NAALADL2: variants seen among roughly 807,000 people sequenced by gnomAD.
NAALADL2 encodes inactive N-acetylated-alpha-linked acidic dipeptidase-like protein 2.
NAALADL2 carries 76 observed loss-of-function variants against 87.2 expected under a neutral mutation model. The observed-to-expected ratio is 0.87, with a 90% CI of 0.72 to 1.05. The LOEUF (loss-of-function observed/expected upper bound fraction) is 1.05, where lower values mean the gene tolerates loss of function less well. NAALADL2 is among the 50% of genes least tolerant of loss of function. NAALADL2 has a pLI of 0.00. For missense variants in NAALADL2, 1,089 were observed against 945.8 expected (o/e 1.15, Z -1.99); for synonymous variants, 354 against 331.0 (o/e 1.07, Z -0.75).
chr3:175,667,241 A>AAGAAAGAAAGAAAAAGAAAG (rs1182682303), intron 11 of NAALADL2, among the ~76,000 whole-genome samples: 9 of 91,776 alleles, frequency 9.8e-5, no homozygotes, highest in African/African-American at 4.1e-4. Context: ...GAAAGAAAGA[A>AAGAAAGAAAGAAAAAGAAAG]AAAGAAAGAA....
chr3:174,446,971 G>T (rs972714020), intron 1 of NAALADL2, among the ~76,000 whole-genome samples: 1 of 151,904 alleles, frequency 6.6e-6, no homozygotes, highest in African/African-American at 2.4e-5. Flanking sequence ...ATTTAATTTT[G>T]CTAGAGTTTT....
chr3:175,140,639 C>T (rs966188311), intron 2 of NAALADL2, among the ~76,000 whole-genome samples: 3 of 151,934 alleles, frequency 2.0e-5, no homozygotes, highest in African/African-American at 2.4e-5. Context: ...TTGCTGTGAA[C>T]GAAAACATTA....
At chr3:175,769,090 A>G (rs1749133245) in intron 13 of NAALADL2, among the ~76,000 whole-genome samples, 1 of 152,128 alleles carries the variant, frequency 6.6e-6, no homozygotes, top group African/African-American at 2.4e-5. Flanking sequence ...TCTCTTTTTA[A>G]TCTTACTACC....
chr3:175,225,747 G>A (rs962710542), intron 2 of NAALADL2, among the ~76,000 whole-genome samples: 3 of 151,942 alleles, frequency 2.0e-5, no homozygotes, highest in Admixed American at 2.0e-4. Context: ...GACCACCCAA[G>A]TTTGAAGACT....
At chr3:175,252,191 T>C (rs920299294) in intron 3 of NAALADL2, among the ~76,000 whole-genome samples, 1 of 152,218 alleles carries the variant, frequency 6.6e-6, no homozygotes, top group Non-Finnish European at 1.5e-5. Flanking sequence ...TTTTCAACAA[T>C]TTGAAGGTCA....
intron 2 of NAALADL2, among the ~76,000 whole-genome samples, chr3:174,568,497 T>G (rs917689252): frequency 5.3e-5 from 8 of 151,818 alleles, no homozygotes; most frequent in African/African-American, 1.9e-4. Context: ...AGTGCTTTAG[T>G]ATCAGTACAA....
chr3:174,756,915 CA>C (rs1325661636), intron 3 of NAALADL2, among the ~76,000 whole-genome samples: 1 of 152,050 alleles, frequency 6.6e-6, no homozygotes, highest in African/African-American at 2.4e-5. Context: ...AGATTTTAAA[CA>C]GTTCCTTTTA....
intron 5 of NAALADL2, among the ~76,000 whole-genome samples, chr3:175,401,421 T>G (rs1434724425): frequency 6.6e-6 from 1 of 152,148 alleles, no homozygotes; most frequent in Non-Finnish European, 1.5e-5. Flanking sequence ...TTGAATGGAA[T>G]GTGTGTATAT....
At chr3:175,703,433 T>G (rs560288069) in intron 11 of NAALADL2, among the ~76,000 whole-genome samples, 3 of 152,304 alleles carry the variant, frequency 2.0e-5, no homozygotes, top group Non-Finnish European at 4.4e-5. Context: ...GTTAAGTACC[T>G]TCGTTTCCTT....
chr3:174,747,387 C>CA (rs1734362301), intron 3 of NAALADL2, among the ~76,000 whole-genome samples: 1 of 152,046 alleles, frequency 6.6e-6, no homozygotes, highest in South Asian at 2.1e-4. Context: ...GATAACATCT[C>CA]ACGCCAGTCA....
intron 1 of NAALADL2, among the ~76,000 whole-genome samples, chr3:174,457,685 G>A (rs1043464762): frequency 6.6e-6 from 1 of 152,130 alleles, no homozygotes; most frequent in African/African-American, 2.4e-5. Flanking sequence ...TTTACTGGGT[G>A]TGGTGGTGTG....
At chr3:175,278,735 C>T (rs903179695) in intron 4 of NAALADL2, among the ~76,000 whole-genome samples, 1 of 152,042 alleles carries the variant, frequency 6.6e-6, no homozygotes, top group African/African-American at 2.4e-5. Flanking sequence ...CTGTGCAGGT[C>T]GATAAACTGA....
At chr3:175,003,443 G>A (rs1748515935) in intron 1 of NAALADL2, among the ~76,000 whole-genome samples, 1 of 152,170 alleles carries the variant, frequency 6.6e-6, no homozygotes, top group African/African-American at 2.4e-5. Context: ...AGGTGTGAGA[G>A]GTTTTCAAAA....
intron 5 of NAALADL2, among the ~76,000 whole-genome samples, chr3:175,411,434 C>G (rs1360917379): frequency 6.6e-6 from 1 of 151,962 alleles, no homozygotes; most frequent in Non-Finnish European, 1.5e-5. Flanking sequence ...AAATTTGAGT[C>G]AACTCTATTG....
At chr3:175,115,436 AG>A (rs1312721653) in intron 2 of NAALADL2, among the ~76,000 whole-genome samples, 11 of 151,744 alleles carry the variant, frequency 7.2e-5, no homozygotes, top group African/African-American at 2.7e-4. Context: ...TTTTAATAAA[AG>A]ACACTAATAA....
At chr3:175,487,489 C>T (rs1727456930) in intron 9 of NAALADL2, 1 of 456,236 alleles carries the variant, frequency 2.2e-6, no homozygotes, top group Admixed American at 2.4e-5. Flanking sequence ...AAAGCACTAT[C>T]CATGAACTAA....
intron 11 of NAALADL2, among the ~76,000 whole-genome samples, chr3:175,729,233 T>C (rs1254143940): frequency 1.3e-5 from 2 of 152,206 alleles, no homozygotes; most frequent in Non-Finnish European, 2.9e-5. Context: ...ACCTATCTTT[T>C]ATGACATTTT....
At chr3:175,232,093 T>C (rs1381343260) in intron 2 of NAALADL2, among the ~76,000 whole-genome samples, 2 of 149,154 alleles carry the variant, frequency 1.3e-5, no homozygotes, top group South Asian at 2.1e-4. Context: ...CAAGTAGATA[T>C]TTAAAAAGAA....
intron 3 of NAALADL2, among the ~76,000 whole-genome samples, chr3:175,247,235 A>G (rs1260480446): frequency 1.3e-5 from 2 of 151,580 alleles, no homozygotes; most frequent in Non-Finnish European, 2.9e-5. Context: ...AGGAAGAGAC[A>G]ATCAACATAA....
Sources: allele counts gnomAD v4.1 joint callset (sites outside exome capture counted in the v4.1 genomes callset), GRCh38; gene constraint gnomAD v4.1.1; transcripts MANE v1.5; gene names NCBI Gene and HGNC (gene_info 2026-07-23, HGNC 2026-07-21).